The following SMG6 variants were observed in gnomAD, a reference collection of about 807,000 sequenced individuals.
SMG6 encodes SMG6 nonsense mediated mRNA decay factor, also known as telomerase-binding protein EST1A.
In SMG6, 66 loss-of-function variants were observed where a neutral mutation model predicts 142.2. The observed-to-expected ratio is 0.46, with a 90% confidence interval of 0.38 to 0.57. The LOEUF is 0.57. Ranked by LOEUF, SMG6 falls within the 20% of genes least tolerant of loss-of-function variation. The pLI, the probability that SMG6 is intolerant of heterozygous loss-of-function variation, is 0.00. For synonymous variants in SMG6, 779 were observed against 702.4 expected, an observed-to-expected ratio of 1.11 and a Z score of -1.72; for missense variants, 1,793 against 1,832.0, an observed-to-expected ratio of 0.98 and a Z score of 0.39.
At position 2,139,778 on chromosome 17, in the gene SMG6, T is replaced by A. The variant is rs181619429; in HGVS notation, c.3357+32880A>T. The stretch of plus-strand genomic sequence containing the variant: ...TTTCGCTCTGTCACCCAGGCTGGAG[T>A]GCAGTGGTGTGATCTTGGCTCACTG... On this transcript the variant is annotated intron_variant, in intron 13 of 18. Coordinates refer to ENST00000263073, the MANE Select transcript of SMG6 (RefSeq NM_017575.5). 4.6e-5 allele frequency among the ~76,000 whole-genome samples: 7 copies of A among 151,686 alleles called. No individual in the cohort carries two copies. The East Asian group carries it at 1.4e-3, about 29-fold the overall frequency.
At chr17:2,213,043 A>C (rs1384953298) in intron 10 of SMG6, among the ~76,000 whole-genome samples, 2 of 152,248 alleles carry the variant, frequency 1.3e-5, no homozygotes, top group African/African-American at 4.8e-5. Context: ...CTAAACTGGG[A>C]TACTTCCGAG....
At chr17:2,251,625 T>G (rs2074048062) in intron 8 of SMG6, among the ~76,000 whole-genome samples, 1 of 152,242 alleles carries the variant, frequency 6.6e-6, no homozygotes, top group South Asian at 2.1e-4. Flanking sequence ...CACTGCAGTT[T>G]AGTGCTGCCT....
At chr17:2,137,488 C>G (rs1291733353) in intron 13 of SMG6, among the ~76,000 whole-genome samples, 2 of 151,954 alleles carry the variant, frequency 1.3e-5, no homozygotes, top group East Asian at 3.9e-4. Flanking sequence ...GCTGCAGATT[C>G]GCTTACAGGC....
At chr17:2,238,388 C>T (rs559881442) in intron 9 of SMG6, among the ~76,000 whole-genome samples, 2 of 152,174 alleles carry the variant, frequency 1.3e-5, no homozygotes, top group South Asian at 2.1e-4. Context: ...ATTTCAGAGC[C>T]GTTAAAACTC....
chr17:2,270,970 C>G (rs2074530538), intron 8 of SMG6, among the ~76,000 whole-genome samples: 1 of 152,112 alleles, frequency 6.6e-6, no homozygotes. Context: ...GAGGAAAGGC[C>G]TACAGTTGTA....
intron 7 of SMG6, among the ~76,000 whole-genome samples, chr17:2,283,147 G>A (rs1317376049): frequency 6.6e-6 from 1 of 152,186 alleles, no homozygotes; most frequent in Non-Finnish European, 1.5e-5. Flanking sequence ...TCCAGTCTGG[G>A]CAACAAGAGC....
intron 9 of SMG6, among the ~76,000 whole-genome samples, chr17:2,240,395 T>C (rs2073770572): frequency 6.6e-6 from 1 of 152,098 alleles, no homozygotes; most frequent in Admixed American, 6.6e-5. Flanking sequence ...CTCAACCTCT[T>C]ATTTTTAAAA....
chr17:2,294,785 A>T (rs568997520), intron 4 of SMG6, among the ~76,000 whole-genome samples: 1 of 151,628 alleles, frequency 6.6e-6, no homozygotes, highest in Admixed American at 6.6e-5. Context: ...CAAACACTAA[A>T]CTCCAAGAAA....
In SMG6 at chr17:2,300,749, T is replaced by C. The variant is rs1287386776; in HGVS notation, c.89-85A>G. 7 of 1,278,818 alleles carry C rather than the reference T, an allele frequency of 5.5e-6. No individual in the cohort carries two copies. The Admixed American group carries it at 1.0e-4, about 19-fold the overall frequency. 79.2% of individuals were successfully genotyped at this position (1,278,818 alleles called of 1,614,324 possible). A position where few individuals can be genotyped will look rare whatever the true frequency, so the allele number is the denominator to read the frequency against. On this transcript the variant is annotated intron_variant, in intron 1 of 18. Transcript: ENST00000263073. ...GATAGGGGAAAGACTGTCATTCTGGTTAAGTAACAAAAAAAGTCGAGCAAG... is the reference window on the plus strand; with the variant it reads ...GATAGGGGAAAGACTGTCATTCTGGCTAAGTAACAAAAAAAGTCGAGCAAG...
chr17:2,186,527 A>G, intron 12 of SMG6, 136 bp downstream of exon 12: 2 of 1,000,596 alleles, frequency 2.0e-6, no homozygotes, highest in East Asian at 2.6e-5. Context: ...GTATTCAAAA[A>G]AAGTTCAAAT....
intron 10 of SMG6, among the ~76,000 whole-genome samples, chr17:2,198,429 T>C (rs2072401328): frequency 2.0e-5 from 3 of 152,178 alleles, no homozygotes; most frequent in Admixed American, 2.0e-4. Context: ...TAGTAATAGT[T>C]ACATGAAGCT....
chr17:2,092,251 C>CATTT (rs911719221), intron 13 of SMG6, among the ~76,000 whole-genome samples: 56 of 152,168 alleles, frequency 3.7e-4, no homozygotes, highest in African/African-American at 1.3e-3. Flanking sequence ...CTTTCTCAGT[C>CATTT]ATTTCTAATC....
intron 13 of SMG6, among the ~76,000 whole-genome samples, chr17:2,123,607 C>T (rs2069773066): frequency 6.6e-6 from 1 of 152,156 alleles, no homozygotes; most frequent in South Asian, 2.1e-4. Flanking sequence ...GAAGTGAAAC[C>T]CACAGTATGC....
At chr17:2,247,591 C>A (rs1016012885) in intron 8 of SMG6, among the ~76,000 whole-genome samples, 1 of 152,152 alleles carries the variant, frequency 6.6e-6, no homozygotes, top group Non-Finnish European at 1.5e-5. Flanking sequence ...AGTTCAAGAC[C>A]AGCCTGGCCA....
At chr17:2,088,871 C>T (rs1436941334) in intron 13 of SMG6, 1 of 983,102 alleles carries the variant, frequency 1.0e-6, no homozygotes, top group African/African-American at 1.7e-5. Flanking sequence ...GAGAGGACCA[C>T]CGCTCTCTTG....
chr17:2,078,349 G>GCTCTAGT (rs2068317826), intron 15 of SMG6, among the ~76,000 whole-genome samples: 2 of 152,054 alleles, frequency 1.3e-5, no homozygotes, highest in Non-Finnish European at 2.9e-5. Context: ...TTAAGATGAT[G>GCTCTAGT]CTCTAGTTGC....
At chr17:2,112,803 G>A (rs1041379356) in intron 13 of SMG6, among the ~76,000 whole-genome samples, 2 of 149,482 alleles carry the variant, frequency 1.3e-5, no homozygotes, top group Non-Finnish European at 3.0e-5. Flanking sequence ...CGCCACCCAG[G>A]CTAGAGTGCA....
In SMG6 at chr17:2,282,949, T is replaced by C. The variant is rs1311921358; in HGVS notation, c.2449-90A>G. The C allele has an allele frequency of 3.9e-6, 5 of 1,285,674 alleles. No individual in the cohort carries two copies. The East Asian group carries it at 1.2e-4, about 30-fold the overall frequency. The allele number at this position is 1,285,674 out of a possible 1,614,324, so 79.6% of individuals were successfully genotyped here. ...ACTTAGAGATGCGGAGGCAGGCGGATCACTTGAGGTCAGGAGTTTGAGACC... is the reference window on the plus strand; with the variant it reads ...ACTTAGAGATGCGGAGGCAGGCGGACCACTTGAGGTCAGGAGTTTGAGACC... On this transcript the variant is annotated intron_variant, in intron 7 of 18. Coordinates refer to ENST00000263073, the MANE Select transcript of SMG6 (RefSeq NM_017575.5).
At chr17:2,101,768 G>C (rs1567598970) in intron 13 of SMG6, 1 of 152,256 alleles carries the variant, frequency 6.6e-6, no homozygotes, top group Non-Finnish European at 1.5e-5. Context: ...AGTAGATACT[G>C]TCACTGCTTC....
Sources: allele counts gnomAD v4.1 joint callset (sites outside exome capture counted in the v4.1 genomes callset), GRCh38; gene constraint gnomAD v4.1.1; transcripts MANE v1.5; gene names NCBI Gene and HGNC (gene_info 2026-07-23, HGNC 2026-07-21).